The following AGBL4 variants were observed in gnomAD, a reference collection of about 807,000 sequenced individuals.
AGBL4 encodes the protein cytosolic carboxypeptidase 6.
In AGBL4, 58 loss-of-function variants were observed where a neutral mutation model predicts 66.4. The ratio of observed to expected loss-of-function variants is 0.87; its 90% CI spans 0.71 to 1.09. The LOEUF (loss-of-function observed/expected upper bound fraction) is 1.09, where lower values mean the gene tolerates loss of function less well. AGBL4 is among the 50% of genes least tolerant of loss of function. AGBL4 has a pLI of 0.00. For missense variants in AGBL4, 579 were observed against 631.0 expected (o/e 0.92, Z 0.88); for synonymous variants, 234 against 222.9 (o/e 1.05, Z -0.44).
At chr1:49,401,518 T>A (rs1645085433) in intron 3 of AGBL4, among the ~76,000 whole-genome samples, 1 of 152,246 alleles carries the variant, frequency 6.6e-6, no homozygotes, top group Admixed American at 6.5e-5. Context: ...TAATTCCTAC[T>A]TGTTCATGAC....
intron 3 of AGBL4, among the ~76,000 whole-genome samples, chr1:49,404,887 A>G (rs1019645375): frequency 2.0e-5 from 3 of 152,186 alleles, no homozygotes; most frequent in South Asian, 2.1e-4. Flanking sequence ...CAATTGAATC[A>G]TGTAGAACCA....
intron 2 of AGBL4, among the ~76,000 whole-genome samples, chr1:49,785,021 G>A (rs1644418905): frequency 6.6e-6 from 1 of 151,924 alleles, no homozygotes; most frequent in Non-Finnish European, 1.5e-5. Context: ...TAATTTATAG[G>A]TTTTGAAAAA....
At chr1:48,995,919 T>C (rs989229577) in intron 5 of AGBL4, among the ~76,000 whole-genome samples, 11 of 152,130 alleles carry the variant, frequency 7.2e-5, no homozygotes, top group African/African-American at 2.2e-4. Context: ...GAGAATGGAT[T>C]CTAGGGGCAA....
chr1:49,614,198 G>A (rs940632120), intron 3 of AGBL4, among the ~76,000 whole-genome samples: 1 of 152,038 alleles, frequency 6.6e-6, no homozygotes, highest in African/African-American at 2.4e-5. Flanking sequence ...GCACTGCAGA[G>A]GCCTCTTTTT....
intron 6 of AGBL4, among the ~76,000 whole-genome samples, chr1:48,768,809 A>C (rs1179626675): frequency 2.6e-5 from 4 of 152,206 alleles, no homozygotes; most frequent in African/African-American, 9.6e-5. Context: ...TCATCTATAC[A>C]AAAATCCTGT....
chr1:49,403,600 T>C (rs1452706165), intron 3 of AGBL4, among the ~76,000 whole-genome samples: 1 of 152,196 alleles, frequency 6.6e-6, no homozygotes, highest in Non-Finnish European at 1.5e-5. Flanking sequence ...AGTGACTTAT[T>C]TAGTTCATTT....
chr1:49,180,483 G>T (rs753415703), intron 4 of AGBL4, among the ~76,000 whole-genome samples: 1 of 152,164 alleles, frequency 6.6e-6, no homozygotes, highest in South Asian at 2.1e-4. Context: ...GGCTCAGAAA[G>T]GTTAAATCAT....
At chr1:49,924,592 T>C (rs907608636) in intron 1 of AGBL4, among the ~76,000 whole-genome samples, 14 of 152,264 alleles carry the variant, frequency 9.2e-5, no homozygotes, top group Non-Finnish European at 1.0e-4. Flanking sequence ...GGTCACTGCA[T>C]AGGTGTATGA....
chr1:48,960,758 T>C (rs1016705383), intron 5 of AGBL4, among the ~76,000 whole-genome samples: 6 of 152,252 alleles, frequency 3.9e-5, no homozygotes, highest in African/African-American at 7.2e-5. Context: ...TATATTCTGC[T>C]ATAGAGTTAG....
chr1:49,313,521 T>A (rs932325713), intron 3 of AGBL4, among the ~76,000 whole-genome samples: 1 of 152,134 alleles, frequency 6.6e-6, no homozygotes, highest in Non-Finnish European at 1.5e-5. Context: ...TTTCTCCACA[T>A]GCTCTCCAGC....
At chr1:48,717,309 A>G (rs185964010) in intron 6 of AGBL4, among the ~76,000 whole-genome samples, 22 of 152,226 alleles carry the variant, frequency 1.4e-4, no homozygotes, top group African/African-American at 5.1e-4. Flanking sequence ...TTATACTCTG[A>G]CTGTGCATGT....
chr1:49,558,064 C>A (rs1352468887), intron 3 of AGBL4, among the ~76,000 whole-genome samples: 1 of 151,944 alleles, frequency 6.6e-6, no homozygotes, highest in Non-Finnish European at 1.5e-5. Context: ...GGGAAAAACC[C>A]AGTCCTAGCA....
chr1:49,335,495 C>T (rs547335472), intron 3 of AGBL4, among the ~76,000 whole-genome samples: 2 of 152,088 alleles, frequency 1.3e-5, no homozygotes, highest in African/African-American at 2.4e-5. Flanking sequence ...TCCTAACACA[C>T]GTAGAATAAA....
intron 11 of AGBL4, among the ~76,000 whole-genome samples, chr1:48,559,264 A>G (rs1411225183): frequency 6.6e-6 from 1 of 152,242 alleles, no homozygotes; most frequent in Non-Finnish European, 1.5e-5. Flanking sequence ...GCACAAATGA[A>G]CAGAGCATTA....
At chr1:49,715,074 G>A (rs1353894786) in intron 2 of AGBL4, among the ~76,000 whole-genome samples, 4 of 151,960 alleles carry the variant, frequency 2.6e-5, no homozygotes, top group Admixed American at 6.6e-5. Context: ...CCATCAACCC[G>A]TCATCTACAT....
chr1:49,926,919 T>C (rs2148253556), intron 1 of AGBL4, among the ~76,000 whole-genome samples: 1 of 152,224 alleles, frequency 6.6e-6, no homozygotes, highest in Non-Finnish European at 1.5e-5. Flanking sequence ...AATCACAAGA[T>C]ACCACAATAG....
chr1:49,254,530 G>C (rs1303459104), intron 3 of AGBL4, among the ~76,000 whole-genome samples: 1 of 152,094 alleles, frequency 6.6e-6, no homozygotes, highest in Non-Finnish European at 1.5e-5. Context: ...TGAACAAATT[G>C]AAAAACATTC....
chr1:49,880,502 AG>A (rs1369420098), intron 1 of AGBL4, among the ~76,000 whole-genome samples: 3 of 152,058 alleles, frequency 2.0e-5, no homozygotes, highest in Admixed American at 6.5e-5. Flanking sequence ...CCACTTGAGG[AG>A]GCAGTCTGCC....
intron 3 of AGBL4, among the ~76,000 whole-genome samples, chr1:49,428,098 C>T (rs375788407): frequency 3.9e-5 from 6 of 152,186 alleles, no homozygotes; most frequent in Non-Finnish European, 8.8e-5. Flanking sequence ...GAAAAGTTCT[C>T]GAAGTCCCCA....
Sources: gnomAD v4.1 joint callset for allele counts (sites outside exome capture counted in the v4.1 genomes callset) on GRCh38, gnomAD v4.1.1 for gene constraint, MANE v1.5 for transcripts, NCBI Gene and HGNC (gene_info 2026-07-23, HGNC 2026-07-21) for gene names.